ASAP2: variants seen among roughly 807,000 people sequenced by gnomAD.
ASAP2 encodes arf-GAP with SH3 domain, ANK repeat and PH domain-containing protein 2.
In ASAP2, 45 loss-of-function variants were observed where a neutral mutation model predicts 131.4. That is an observed-to-expected ratio of 0.34 (90% CI 0.27 to 0.44). ASAP2 has a LOEUF of 0.44. Ranked by LOEUF, ASAP2 falls within the 20% of genes least tolerant of loss-of-function variation. ASAP2 has a pLI of 1.00. For missense variants in ASAP2, 1,011 were observed against 1,297.0 expected (o/e 0.78, Z 3.39); for synonymous variants, 510 against 503.0 (o/e 1.01, Z -0.19).
At chr2:9,335,274 A>C in intron 9 of ASAP2, 95 bp downstream of exon 9, 1 of 1,087,590 alleles carries the variant, frequency 9.2e-7, no homozygotes. Context: ...CTAGGAGCTC[A>C]CAGTTCACTC....
chr2:9,269,913 C>T (rs557766424), intron 1 of ASAP2, among the ~76,000 whole-genome samples: 7 of 152,298 alleles, frequency 4.6e-5, no homozygotes, highest in East Asian at 1.9e-4. Context: ...ACACTGTCCC[C>T]GTCCCCTGTC....
chr2:9,207,080 G>T lies in ASAP2; in HGVS notation c.-25G>T, dbSNP rs747238535. On this transcript the variant is annotated 5_prime_UTR_variant, in exon 1 of 28. Coordinates refer to ENST00000281419, the MANE Select transcript of ASAP2 (RefSeq NM_003887.3). The surrounding 1 kb of genome is among the most constrained non-coding windows in gnomAD (Gnocchi z 4.1). ...GAGGCGGCGGCGCCCCTGCGGCTGT[G>T]CGCCAGCGCCCTCGCGCCGAGGCGA... 3.9e-6 allele frequency: 6 copies of T among 1,540,124 alleles called. No homozygotes were observed. The South Asian group carries it at 7.1e-5, about 18-fold the overall frequency.
intron 9 of ASAP2, among the ~76,000 whole-genome samples, chr2:9,340,332 C>T (rs1671499918): frequency 6.6e-6 from 1 of 152,158 alleles, no homozygotes; most frequent in Non-Finnish European, 1.5e-5. Context: ...GCCATGTCTG[C>T]AACTTTATTC....
chr2:9,325,753 A>G (rs1371510990), intron 6 of ASAP2, among the ~76,000 whole-genome samples: 1 of 152,234 alleles, frequency 6.6e-6, no homozygotes, highest in Non-Finnish European at 1.5e-5. Flanking sequence ...CACTGTGTAG[A>G]TGATGCCTCT....
At chr2:9,308,778 AG>A (rs1669111685) in intron 3 of ASAP2, among the ~76,000 whole-genome samples, 1 of 152,220 alleles carries the variant, frequency 6.6e-6, no homozygotes, top group African/African-American at 2.4e-5. Context: ...GGATGACTCA[AG>A]CCTCTGTTGC....
intron 2 of ASAP2, among the ~76,000 whole-genome samples, chr2:9,288,912 T>G (rs1436228753): frequency 6.6e-6 from 1 of 152,110 alleles, no homozygotes; most frequent in East Asian, 1.9e-4. Context: ...GTAGCTCAGT[T>G]TTAATCTCAT....
At chr2:9,368,972 A>ATGTTTG (rs1558374507) in intron 16 of ASAP2, among the ~76,000 whole-genome samples, 1 of 151,400 alleles carries the variant, frequency 6.6e-6, no homozygotes, top group African/African-American at 2.4e-5. Context: ...CCTTCAAAAA[A>ATGTTTG]TGTTTGTGTT....
chr2:9,209,712 G>C (rs1049250874), intron 1 of ASAP2, among the ~76,000 whole-genome samples: 1 of 152,216 alleles, frequency 6.6e-6, no homozygotes, highest in African/African-American at 2.4e-5. Context: ...TGGGATTACA[G>C]GCATGCGCCA....
chr2:9,272,337 T>C (rs1435847187), intron 1 of ASAP2, among the ~76,000 whole-genome samples: 1 of 152,264 alleles, frequency 6.6e-6, no homozygotes, highest in Non-Finnish European at 1.5e-5. Flanking sequence ...TGTATGCCTG[T>C]TTGCCATTTG....
rs763457551 is a variant in ASAP2 at position 9,374,803 on chromosome 2, C to T, written c.1605C>T (p.Tyr535=). Residue 535 remains tyrosine, a synonymous_variant, in exon 17 of 28, where the codon TAC becomes TAT. Transcript: ENST00000281419. ...YITAKYIERR[Y]ARKKHADNAA... is the part of the protein sequence containing the mutation. The stretch of plus-strand genomic sequence containing the variant: ...CAGCCAAGTACATCGAGAGGAGATA[C>T]GCAAGGAAGAAGCACGCGGATAACG... The T allele has an allele frequency of 1.7e-5, 28 of 1,612,538 alleles. No individual in the cohort carries two copies. Among genetic ancestry groups the T allele is most frequent in the Admixed American group, 5.0e-5 (3 of 59,596 alleles).
chr2:9,257,814 G>A (rs1026291105), intron 1 of ASAP2, among the ~76,000 whole-genome samples: 2 of 152,174 alleles, frequency 1.3e-5, no homozygotes, highest in African/African-American at 4.8e-5. Flanking sequence ...GTGAGCCACG[G>A]TGCCTGGCCT....
intron 1 of ASAP2, among the ~76,000 whole-genome samples, chr2:9,236,048 G>T (rs1246601884): frequency 6.6e-6 from 1 of 152,188 alleles, no homozygotes; most frequent in Non-Finnish European, 1.5e-5. Flanking sequence ...CCACCACAAA[G>T]AAGTACCTTG....
chr2:9,364,354 A>G (rs906270942), intron 15 of ASAP2, among the ~76,000 whole-genome samples: 3 of 152,102 alleles, frequency 2.0e-5, no homozygotes, highest in Non-Finnish European at 4.4e-5. Flanking sequence ...CAAAAAAAAA[A>G]AAGTTAGCTG....
intron 18 of ASAP2, 66 bp downstream of exon 18, chr2:9,377,059 C>T (rs985057776): frequency 2.2e-5 from 30 of 1,382,592 alleles, no homozygotes; most frequent in South Asian, 1.3e-4. Context: ...AGGAATCGGA[C>T]GCTGCCTCAT....
At chr2:9,369,923 C>T (rs2148697602) in intron 16 of ASAP2, among the ~76,000 whole-genome samples, 1 of 152,302 alleles carries the variant, frequency 6.6e-6, no homozygotes, top group East Asian at 1.9e-4. Flanking sequence ...CTCACTGCAG[C>T]ATCCGCCTCC....
rs1017269286 is a variant in ASAP2 at position 9,404,881 on chromosome 2, T to G, written c.*1554T>G. The G allele has an allele frequency of 2.6e-5, 4 of 152,528 alleles. No homozygotes were observed. The highest frequency in any genetic ancestry group is 5.9e-5 in the Non-Finnish European group (4 of 68,022). 9.4% of individuals were successfully genotyped at this position (152,528 alleles called of 1,614,324 possible). A position where few individuals can be genotyped will look rare whatever the true frequency, so the allele number is the denominator to read the frequency against. On this transcript the variant is annotated 3_prime_UTR_variant, in exon 28 of 28. Coordinates refer to ENST00000281419, the MANE Select transcript of ASAP2 (RefSeq NM_003887.3). ...AATGTGTTATATCTGTAGTTTTTTG[T>G]TTTTGTTTTTTTTTAAAGCACTACA...
chr2:9,245,160 C>T (rs536878644), intron 1 of ASAP2, among the ~76,000 whole-genome samples: 3 of 152,326 alleles, frequency 2.0e-5, no homozygotes, highest in Admixed American at 2.0e-4. Flanking sequence ...ATTCCAGGAA[C>T]TTGTAGCTTG....
At chr2:9,271,212 T>A in intron 1 of ASAP2, 1 of 625,154 alleles carries the variant, frequency 1.6e-6, no homozygotes, top group African/African-American at 1.8e-5. Context: ...TTTAAACTTG[T>A]GACAAGGGAC....
At chr2:9,339,662 CGTT>C (rs898389910) in intron 9 of ASAP2, among the ~76,000 whole-genome samples, 40 of 152,102 alleles carry the variant, frequency 2.6e-4, no homozygotes, top group African/African-American at 9.4e-4. Context: ...CTGCTGCTGT[CGTT>C]GTGTGTGACA....
Sources: gnomAD v4.1 joint callset for allele counts (sites outside exome capture counted in the v4.1 genomes callset) on GRCh38, gnomAD v4.1.1 for gene constraint, Gnocchi (gnomAD v3.1) non-coding constraint, MANE v1.5 for transcripts, NCBI Gene and HGNC (gene_info 2026-07-23, HGNC 2026-07-21) for gene names.